The following DIPK2B variants were observed in gnomAD, a reference collection of about 807,000 sequenced individuals.
DIPK2B encodes UPF0672 protein CXorf36.
In DIPK2B, 15 loss-of-function variants were observed where a neutral mutation model predicts 22.2. The observed-to-expected ratio is 0.68, with a 90% CI of 0.45 to 1.04. The LOEUF is 1.04. Among genes scored for constraint, DIPK2B ranks in the 50% least tolerant of loss-of-function variants. DIPK2B has a pLI of 0.00. For synonymous variants in DIPK2B, 163 were observed against 153.2 expected (o/e 1.06, Z -0.47); for missense variants, 345 against 348.3 (o/e 0.99, Z 0.08).
Position 45,191,822 on chromosome X carries a change from G to A in DIPK2B, c.427C>T (p.Arg143Cys), listed in dbSNP as rs945106817. The A allele has an allele frequency of 1.7e-6, 2 of 1,211,842 alleles. No individual in the cohort carries two copies. Among genetic ancestry groups the A allele is most frequent in the South Asian group, 1.8e-5 (1 of 57,009 alleles). ...ASAPKTCSIE[R>C]VLRKTERFQK... ...AACCTCTCTGTTTTCCGCAGGACAC[G>A]CTCAATGCTGCAGGTCTTTGGGGCT... Residue 143 changes from arginine (R) to cysteine (C), a missense_variant, in exon 2 of 5, where the codon CGT (arginine) becomes TGT (cysteine). Coordinates refer to ENST00000398000, the MANE Select transcript of DIPK2B (RefSeq NM_176819.4).
chrX:45,165,200 T>C (rs974366228), intron 2 of DIPK2B, among the ~76,000 whole-genome samples: 2 of 111,368 alleles, frequency 1.8e-5, no homozygotes, highest in African/African-American at 6.5e-5. Context: ...AAGGGACTGA[T>C]TGTGCATTCT....
chrX:45,173,134 T>C (rs1306508872), intron 2 of DIPK2B, among the ~76,000 whole-genome samples: 1 of 112,044 alleles, frequency 8.9e-6, no homozygotes, highest in East Asian at 2.8e-4. Flanking sequence ...GTTTTGACTT[T>C]ATACAGTCAT....
chrX:45,196,693 C>T (rs2047240811), intron 1 of DIPK2B, among the ~76,000 whole-genome samples: 1 of 110,775 alleles, frequency 9.0e-6, no homozygotes, highest in African/African-American at 3.3e-5. Flanking sequence ...CCACTATTTA[C>T]TCTCCACCCC....
chrX:45,188,343 T>C (rs940065916), intron 2 of DIPK2B, among the ~76,000 whole-genome samples: 1 of 111,731 alleles, frequency 9.0e-6, no homozygotes, highest in Non-Finnish European at 1.9e-5. Flanking sequence ...AGGGGAAGAA[T>C]GCAAGAATAT....
chrX:45,197,779 T>A (rs1455569094), intron 1 of DIPK2B, among the ~76,000 whole-genome samples: 4 of 111,912 alleles, frequency 3.6e-5, no homozygotes, highest in Non-Finnish European at 7.5e-5. Context: ...CATTTAGATA[T>A]ATATATCTCC....
intron 2 of DIPK2B, among the ~76,000 whole-genome samples, chrX:45,178,888 T>C (rs1007944233): frequency 3.6e-5 from 4 of 111,588 alleles, no homozygotes; most frequent in African/African-American, 1.3e-4. Context: ...TCTTAGTGAA[T>C]ATCCTGGGCT....
intron 1 of DIPK2B, 64 bp from the exon 2 acceptor site, chrX:45,192,079 AG>A: frequency 3.8e-6 from 4 of 1,055,205 alleles, no homozygotes; most frequent in Non-Finnish European, 3.8e-6. Context: ...GCCCAGGGAC[AG>A]GAAGACAGGG....
At chrX:45,175,373 T>C (rs982841912) in intron 2 of DIPK2B, among the ~76,000 whole-genome samples, 6 of 110,762 alleles carry the variant, frequency 5.4e-5, no homozygotes, top group Non-Finnish European at 1.1e-4. Flanking sequence ...GTTTTAATGA[T>C]ATGGAGGCTA....
At chrX:45,157,602 G>A (rs1358655461) in intron 3 of DIPK2B, 113 bp downstream of exon 3, 6 of 787,156 alleles carry the variant, frequency 7.6e-6, no homozygotes, top group Non-Finnish European at 1.1e-5. Context: ...GTCCTAACAC[G>A]GGCTAGTGGC....
In DIPK2B at chrX:45,154,810, ACTT is replaced by A. The variant is rs767448595; in HGVS notation, c.673-615_673-613del. On this transcript the variant is annotated intron_variant, in intron 3 of 4. Transcript: ENST00000398000. ...CAACTTAAGTCTGATTTAAAGCAAA[ACTT>A]TTTTTTTTTTTTAAGAGACAAGGTT... Among the ~76,000 whole-genome samples, 1,059 of 110,048 alleles carry A rather than the reference ACTT, an allele frequency of 9.6e-3. 15 individuals carry two copies. The highest frequency in any genetic ancestry group is 0.055 in the South Asian group (141 of 2,576).
intron 2 of DIPK2B, chrX:45,163,678 T>A: frequency 1.3e-6 from 1 of 754,669 alleles, no homozygotes. Context: ...ACTTAAAAAG[T>A]AAAAGAGGTA....
At chrX:45,169,303 C>A (rs1191495926) in intron 2 of DIPK2B, among the ~76,000 whole-genome samples, 1 of 111,615 alleles carries the variant, frequency 9.0e-6, no homozygotes, top group African/African-American at 3.3e-5. Context: ...GTCCCAAACG[C>A]AACACCTTTT....
At chrX:45,194,310 C>T (rs1342431044) in intron 1 of DIPK2B, among the ~76,000 whole-genome samples, 4 of 109,836 alleles carry the variant, frequency 3.6e-5, no homozygotes, top group Non-Finnish European at 3.8e-5. Flanking sequence ...AGTGCAGTGG[C>T]GCAGTCTTGG....
intron 2 of DIPK2B, 162 bp downstream of exon 2, chrX:45,191,589 C>G: frequency 1.7e-6 from 1 of 593,063 alleles, no homozygotes. Context: ...TGTTTAGTTC[C>G]TGTCTTACCG....
At chrX:45,194,921 G>A (rs1382724430) in intron 1 of DIPK2B, among the ~76,000 whole-genome samples, 2 of 111,380 alleles carry the variant, frequency 1.8e-5, no homozygotes, top group African/African-American at 3.3e-5. Flanking sequence ...CTTTTTTTCT[G>A]TCCCCACCTC....
chrX:45,188,754 C>T (rs906947358), intron 2 of DIPK2B, among the ~76,000 whole-genome samples: 1 of 111,873 alleles, frequency 8.9e-6, no homozygotes, highest in South Asian at 3.7e-4. Context: ...TCTCCCCTCC[C>T]CTCAGCCCTT....
intron 2 of DIPK2B, chrX:45,191,442 AG>A: frequency 3.6e-6 from 1 of 278,048 alleles, no homozygotes; most frequent in Non-Finnish European, 6.3e-6. Context: ...GCCCTGGCAG[AG>A]GGGTGGACTG....
intron 2 of DIPK2B, among the ~76,000 whole-genome samples, chrX:45,175,047 T>G (rs188668367): frequency 8.9e-6 from 1 of 111,945 alleles, no homozygotes; most frequent in African/African-American, 3.3e-5. Context: ...CTGGGTAACC[T>G]TGGGCAACGT....
chrX:45,155,737 A>G (rs1273758444), intron 3 of DIPK2B, among the ~76,000 whole-genome samples: 1 of 110,126 alleles, frequency 9.1e-6, no homozygotes, highest in Non-Finnish European at 1.9e-5. Context: ...GGATTTGTAG[A>G]TGAAAAGTGG....
Sources: gnomAD v4.1 joint callset for allele counts (sites outside exome capture counted in the v4.1 genomes callset) on GRCh38, gnomAD v4.1.1 for gene constraint, MANE v1.5 for transcripts, NCBI Gene and HGNC (gene_info 2026-07-23, HGNC 2026-07-21) for gene names.